The following NALF1 variants were observed in gnomAD, a reference collection of about 807,000 sequenced individuals.
NALF1 encodes NALCN channel auxiliary factor 1, also known as family with sequence similarity 155 member A.
Under a neutral mutation model 48.4 loss-of-function variants are expected in NALF1, and 3 were observed. That is an observed-to-expected ratio of 0.06 (90% CI 0.03 to 0.16). The LOEUF (loss-of-function observed/expected upper bound fraction) is 0.16. Among genes scored for constraint, NALF1 ranks in the 10% least tolerant of loss-of-function variants. NALF1 has a pLI of 1.00. For missense variants in NALF1, 526 were observed against 571.5 expected (o/e 0.92, Z 0.81); for synonymous variants, 262 against 245.7 (o/e 1.07, Z -0.62).
intron 1 of NALF1, among the ~76,000 whole-genome samples, chr13:107,293,126 A>G (rs9559000): frequency 0.55 from 82,834 of 151,092 alleles, 23,131 homozygotes; most frequent in African/African-American, 0.63. Context: ...GACTACAGGC[A>G]CCCACCACCA....
intron 1 of NALF1, among the ~76,000 whole-genome samples, chr13:107,663,598 A>G (rs1004752626): frequency 6.6e-6 from 1 of 152,164 alleles, no homozygotes; most frequent in African/African-American, 2.4e-5. Flanking sequence ...CCACAGTTAA[A>G]CCATAATTAC....
intron 1 of NALF1, among the ~76,000 whole-genome samples, chr13:107,680,961 G>A (rs1366683566): frequency 2.5e-5 from 1 of 39,388 alleles, no homozygotes; most frequent in Non-Finnish European, 7.7e-5. Flanking sequence ...GTGTGTGTGT[G>A]TGTGTGTGTA....
intron 1 of NALF1, among the ~76,000 whole-genome samples, chr13:107,599,670 A>G (rs1878868327): frequency 6.6e-6 from 1 of 152,194 alleles, no homozygotes; most frequent in Non-Finnish European, 1.5e-5. Flanking sequence ...GTGAAGTTGA[A>G]CACTATTTTA....
intron 1 of NALF1, among the ~76,000 whole-genome samples, chr13:107,394,809 C>A (rs1449299146): frequency 4.6e-5 from 7 of 151,844 alleles, no homozygotes; most frequent in Non-Finnish European, 1.0e-4. Context: ...ATGCTAGCAG[C>A]CAAAAGATGG....
chr13:107,419,906 C>A (rs1014059728), intron 1 of NALF1, among the ~76,000 whole-genome samples: 1 of 152,094 alleles, frequency 6.6e-6, no homozygotes, highest in Non-Finnish European at 1.5e-5. Context: ...GTTTGCCATG[C>A]GGTGTTGAGA....
chr13:107,540,747 C>A (rs1876976427), intron 1 of NALF1, among the ~76,000 whole-genome samples: 1 of 152,050 alleles, frequency 6.6e-6, no homozygotes, highest in African/African-American at 2.4e-5. Context: ...GCCAGCACAA[C>A]AAGCATTAAA....
At chr13:107,670,748 G>A (rs1436393486) in intron 1 of NALF1, among the ~76,000 whole-genome samples, 1 of 152,084 alleles carries the variant, frequency 6.6e-6, no homozygotes, top group Non-Finnish European at 1.5e-5. Flanking sequence ...TGCTCATATT[G>A]AGATTACAGC....
At chr13:107,598,713 G>GT (rs1221087735) in intron 1 of NALF1, among the ~76,000 whole-genome samples, 5 of 152,022 alleles carry the variant, frequency 3.3e-5, no homozygotes, top group Admixed American at 6.6e-5. Flanking sequence ...ATCTTTCTTC[G>GT]TGTCATTTCA....
chr13:107,533,828 C>T (rs1298181966), intron 1 of NALF1, among the ~76,000 whole-genome samples: 2 of 152,082 alleles, frequency 1.3e-5, no homozygotes, highest in Non-Finnish European at 2.9e-5. Flanking sequence ...TCAGGAAAAG[C>T]TCAATACTTC....
At chr13:107,444,784 T>A (rs1357925781) in intron 1 of NALF1, among the ~76,000 whole-genome samples, 1 of 152,200 alleles carries the variant, frequency 6.6e-6, no homozygotes, top group Non-Finnish European at 1.5e-5. Context: ...AGTACTTAAC[T>A]TTTTAGTGTT....
chr13:107,409,140 A>T (rs1442028164), intron 1 of NALF1, among the ~76,000 whole-genome samples: 1 of 152,194 alleles, frequency 6.6e-6, no homozygotes, highest in Non-Finnish European at 1.5e-5. Context: ...CTCTCAGCTC[A>T]GTTTAACAGG....
intron 1 of NALF1, among the ~76,000 whole-genome samples, chr13:107,481,445 C>T (rs1347364346): frequency 6.6e-6 from 1 of 152,102 alleles, no homozygotes; most frequent in Non-Finnish European, 1.5e-5. Flanking sequence ...AATTTCTTTG[C>T]TATTAAAAAT....
At chr13:107,588,891 A>G (rs1016880049) in intron 1 of NALF1, among the ~76,000 whole-genome samples, 2 of 152,094 alleles carry the variant, frequency 1.3e-5, no homozygotes, top group African/African-American at 4.8e-5. Context: ...AATTTGTGTC[A>G]TTTTAAGAAA....
chr13:107,493,107 G>A (rs996996951), intron 1 of NALF1, among the ~76,000 whole-genome samples: 10 of 152,048 alleles, frequency 6.6e-5, no homozygotes, highest in Non-Finnish European at 1.3e-4. Context: ...TGATAGCCCT[G>A]ATATGCCCAA....
chr13:107,744,903 A>C (rs1489822537), intron 1 of NALF1, among the ~76,000 whole-genome samples: 1 of 152,240 alleles, frequency 6.6e-6, no homozygotes, highest in African/African-American at 2.4e-5. Flanking sequence ...GTTTATTTAT[A>C]TATTTCATTC....
intron 1 of NALF1, among the ~76,000 whole-genome samples, chr13:107,222,854 T>C (rs1880022830): frequency 1.3e-5 from 2 of 152,208 alleles, no homozygotes; most frequent in Non-Finnish European, 2.9e-5. Context: ...AATGAATGAA[T>C]GAATGAAAGA....
rs1052637710 is a variant in NALF1, at chr13:107,164,394, A to G, written c.*6103T>C. 2 of 152,032 alleles carry G rather than the reference A, an allele frequency of 1.3e-5. No homozygotes were observed. The highest frequency in any genetic ancestry group is 2.4e-5 in the African/African-American group (1 of 41,412). 9.4% of individuals were successfully genotyped at this position (152,032 alleles called of 1,614,324 possible). Reference sequence around the variant, plus strand: ...ATAGTGTTAATTAAAATATATATTAATTCAGTTTAATTAATTTTCATAATA... The same window carrying G: ...ATAGTGTTAATTAAAATATATATTAGTTCAGTTTAATTAATTTTCATAATA... On this transcript the variant is annotated 3_prime_UTR_variant, in exon 3 of 3. Coordinates refer to ENST00000375915, the MANE Select transcript of NALF1 (RefSeq NM_001080396.3).
At chr13:107,672,975 G>A (rs181355774) in intron 1 of NALF1, among the ~76,000 whole-genome samples, 54 of 152,212 alleles carry the variant, frequency 3.5e-4, no homozygotes, top group Middle Eastern at 6.8e-3. Flanking sequence ...ACATGGAGAT[G>A]TATTTATTCC....
At chr13:107,820,149 C>T (rs73587779) in intron 1 of NALF1, among the ~76,000 whole-genome samples, 4,593 of 152,178 alleles carry the variant, frequency 0.03, 267 homozygotes, top group African/African-American at 0.11. Flanking sequence ...AGCTCCTTGG[C>T]GGTTGACTGT....
Sources: allele counts gnomAD v4.1 joint callset (sites outside exome capture counted in the v4.1 genomes callset), GRCh38; gene constraint gnomAD v4.1.1; transcripts MANE v1.5; gene names NCBI Gene and HGNC (gene_info 2026-07-23, HGNC 2026-07-21).